The following TENT5B variants were observed in gnomAD, a reference collection of about 807,000 sequenced individuals.
The protein encoded by TENT5B is terminal nucleotidyltransferase 5B.
TENT5B carries 12 observed loss-of-function variants against 21.7 expected under a neutral mutation model. The ratio of observed to expected loss-of-function variants is 0.55; its 90% confidence interval spans 0.36 to 0.90. The LOEUF is 0.90. Ranked by LOEUF, TENT5B falls within the 40% of genes least tolerant of loss-of-function variation. The pLI, the probability that TENT5B is intolerant of heterozygous loss-of-function variation, is 0.01. For missense variants in TENT5B, 540 were observed against 601.5 expected, an observed-to-expected ratio of 0.90 and a Z score of 1.07; for synonymous variants, 262 against 266.6, an observed-to-expected ratio of 0.98 and a Z score of 0.17.
intron 1 of TENT5B, among the ~76,000 whole-genome samples, chr1:27,011,094 C>T (rs967077655): frequency 2.0e-5 from 3 of 152,184 alleles, no homozygotes; most frequent in Non-Finnish European, 2.9e-5. Context: ...TTGACTGTCC[C>T]GGGGATTAAA....
At position 27,006,994 on chromosome 1, in the gene TENT5B, G is replaced by C. The variant is rs745842169; in HGVS notation, c.265-37C>G. 9.8e-6 allele frequency: 15 copies of C among 1,525,472 alleles called. No homozygotes were observed. The highest frequency in any genetic ancestry group is 1.1e-5 in the Non-Finnish European group (13 of 1,136,230). The allele number at this position is 1,525,472 out of a possible 1,614,324, so 94.5% of individuals were successfully genotyped here. On this transcript the variant is annotated intron_variant, in intron 1 of 1. Transcript: ENST00000289166. This position sits in a 1 kb window ranked among gnomAD's most constrained non-coding sequence, Gnocchi z 9.4. ...AGCAGGAAGGAGAGGTGTCAGGAGC[G>C]GGCCTCAGGGGTCCACCAAGGACTT...
In TENT5B at chr1:27,006,415, G is replaced by C; in HGVS notation, c.807C>G (p.Arg269=). 6.2e-7 allele frequency: 1 copy of C among 1,613,466 alleles called. No individual in the cohort carries two copies. Among genetic ancestry groups the C allele is most frequent in the Non-Finnish European group, 8.5e-7 (1 of 1,179,880 alleles). Residue 269 remains arginine (R), a synonymous_variant, in exon 2 of 2, where the codon CGC becomes CGG. Transcript: ENST00000289166. The surrounding 1 kb of genome is among the most constrained non-coding windows in gnomAD (Gnocchi z 9.4). ...EHLRHRVIAT[R]SPEEIRGGGL... is the part of the protein sequence containing the mutation. Reference sequence around the variant, plus strand: ...CACCACCTCGGATCTCCTCGGGACTGCGCGTGGCGATGACACGGTGCCGCA... The same window carrying C: ...CACCACCTCGGATCTCCTCGGGACTCCGCGTGGCGATGACACGGTGCCGCA...
At chr1:27,008,059 GGT>G (rs985855333) in intron 1 of TENT5B, among the ~76,000 whole-genome samples, 11 of 152,232 alleles carry the variant, frequency 7.2e-5, no homozygotes, top group African/African-American at 2.6e-4. Flanking sequence ...GGCTTACAGT[GGT>G]GAAACAGCTA....
At position 27,006,611 on chromosome 1, in the gene TENT5B, A is replaced by G. The variant is rs1294411346; in HGVS notation, c.611T>C (p.Phe204Ser). ...NKSGKNVELK[F>S]VDSVRRQFEF... is the part of the protein sequence containing the mutation. ...AAACTGGCGTCTCACCGAGTCCACAAACTTGAGCTCCACGTTCTTGCCGCT... is the reference window on the plus strand; with the variant it reads ...AAACTGGCGTCTCACCGAGTCCACAGACTTGAGCTCCACGTTCTTGCCGCT... Residue 204 changes from phenylalanine to serine, a missense_variant, in exon 2 of 2, where the codon TTT becomes TCT. Coordinates refer to ENST00000289166, the MANE Select transcript of TENT5B (RefSeq NM_052943.4). The surrounding 1 kb of genome is among the most constrained non-coding windows in gnomAD (Gnocchi z 9.4). The G allele has an allele frequency of 6.2e-7, 1 of 1,614,140 alleles. No individual in the cohort carries two copies. The highest frequency in any genetic ancestry group is 8.5e-7 in the Non-Finnish European group (1 of 1,180,020).
At position 27,006,349 on chromosome 1, in the gene TENT5B, C is replaced by A; in HGVS notation, c.873G>T (p.Arg291=). ...CGCGCACATCGGTGCTGGGCCGGGG[C>A]CGGAAGCCCCGCACCAGGAGGTGGC... The part of the protein sequence containing the change: ...KYCHLLVRGF[R]PRPSTDVRAL... Residue 291 remains arginine, a synonymous_variant, in exon 2 of 2, where the codon CGG becomes CGT. Coordinates refer to ENST00000289166, the MANE Select transcript of TENT5B (RefSeq NM_052943.4). The surrounding 1 kb of genome is among the most constrained non-coding windows in gnomAD (Gnocchi z 9.4). 6.2e-7 allele frequency: 1 copy of A among 1,610,910 alleles called. No individual in the cohort carries two copies.
Position 27,006,418 on chromosome 1 carries a change from C to T in TENT5B, c.804G>A (p.Thr268=), listed in dbSNP as rs1261410463. The change falls in exon 2 of 2, where the codon ACG becomes ACA. Residue 268 remains threonine, a synonymous_variant. Transcript: ENST00000289166. The surrounding 1 kb of genome is among the most constrained non-coding windows in gnomAD (Gnocchi z 9.4). The stretch of plus-strand genomic sequence containing the variant: ...CACCTCGGATCTCCTCGGGACTGCG[C>T]GTGGCGATGACACGGTGCCGCAGGT... ...LEHLRHRVIA[T]RSPEEIRGGG... The T allele has an allele frequency of 1.2e-5, 19 of 1,613,304 alleles. No homozygotes were observed. Among genetic ancestry groups the T allele is most frequent in the Non-Finnish European group, 1.5e-5 (18 of 1,179,876 alleles).
In TENT5B at chr1:27,012,672, C is replaced by T; in HGVS notation, c.-2G>A. On this transcript the variant is annotated 5_prime_UTR_variant, in exon 1 of 2. Coordinates refer to ENST00000289166, the MANE Select transcript of TENT5B (RefSeq NM_052943.4). ...AGCTCCGCTCTCCGACGGCATCATC[C>T]GCCCGGCCCCCGGGCCCCGACGGCA... is the stretch of plus-strand genomic sequence containing the variant. The T allele has an allele frequency of 2.1e-6, 3 of 1,459,122 alleles. No homozygotes were observed. The highest frequency in any genetic ancestry group is 2.7e-6 in the Non-Finnish European group (3 of 1,119,868). The allele number at this position is 1,459,122 out of a possible 1,614,324, so 90.4% of individuals were successfully genotyped here. A position where few individuals can be genotyped will look rare whatever the true frequency, so the allele number is the denominator to read the frequency against.
chr1:27,006,427 G>A lies in TENT5B; in HGVS notation c.795C>T (p.Val265=), dbSNP rs373053852. 6.2e-7 allele frequency: 1 copy of A among 1,613,562 alleles called. No individual in the cohort carries two copies. Among genetic ancestry groups the A allele is most frequent in the East Asian group, 2.2e-5 (1 of 44,878 alleles). Residue 265 remains valine, a synonymous_variant, in exon 2 of 2, where the codon GTC becomes GTT. Transcript: ENST00000289166. The surrounding 1 kb of genome is among the most constrained non-coding windows in gnomAD (Gnocchi z 9.4). The part of the protein sequence containing the change: ...TEALEHLRHR[V]IATRSPEEIR... ...TCTCCTCGGGACTGCGCGTGGCGAT[G>A]ACACGGTGCCGCAGGTGCTCCAGGG...
intron 1 of TENT5B, among the ~76,000 whole-genome samples, chr1:27,007,680 G>A (rs887726945): frequency 7.9e-5 from 12 of 152,082 alleles, no homozygotes; most frequent in African/African-American, 7.2e-5. Context: ...CACCGCGCTC[G>A]GTGGTTTAAG....
chr1:27,012,477 C>T lies in TENT5B; in HGVS notation c.194G>A (p.Ser65Asn), dbSNP rs1367425534. The T allele has an allele frequency of 2.5e-6, 4 of 1,610,508 alleles. No homozygotes were observed. Among genetic ancestry groups the T allele is most frequent in the Admixed American group, 1.7e-5 (1 of 59,848 alleles). Residue 65 changes from serine (S) to asparagine (N), a missense_variant, in exon 1 of 2, where the codon AGC (serine) becomes AAC (asparagine). Physicochemically the swap from Ser to Asn is conservative, Grantham distance 46 (BLOSUM62 1). Transcript: ENST00000289166. The stretch of plus-strand genomic sequence containing the variant: ...GCGCCCGTGAATGGGAATCGGCTCG[C>T]TCAGAAGAGCGTCCAGTCGCTTCAC... ...PQVKRLDALL[S>N]EPIPIHGRGN... is the part of the protein sequence containing the mutation.
rs1424211535 is a variant in TENT5B at position 27,006,123 on chromosome 1, C to T, written c.1099G>A (p.Asp367Asn). ...LMNHERRQTL[D>N]LIAALALQAL... ...TGCAGCGCCAGTGCGGCAATGAGGT[C>T]CAGCGTCTGGCGGCGCTCGTGGTTC... Residue 367 changes from aspartate to asparagine, a missense_variant, in exon 2 of 2, where the codon GAC (aspartate) becomes AAC (asparagine). Transcript: ENST00000289166. The surrounding 1 kb of genome is among the most constrained non-coding windows in gnomAD (Gnocchi z 9.4). 6.2e-7 allele frequency: 1 copy of T among 1,608,468 alleles called. No individual in the cohort carries two copies. Among genetic ancestry groups the T allele is most frequent in the South Asian group, 1.1e-5 (1 of 90,704 alleles).
In TENT5B at chr1:27,006,602, G is replaced by A. The variant is rs779739476; in HGVS notation, c.620C>T (p.Ser207Leu). ...GKNVELKFVD[S>L]VRRQFEFSID... Reference sequence around the variant, plus strand: ...GCTGAATTCAAACTGGCGTCTCACCGAGTCCACAAACTTGAGCTCCACGTT... The same window carrying A: ...GCTGAATTCAAACTGGCGTCTCACCAAGTCCACAAACTTGAGCTCCACGTT... Residue 207 changes from serine to leucine, a missense_variant, in exon 2 of 2, where the codon TCG becomes TTG. Transcript: ENST00000289166. The surrounding 1 kb of genome is among the most constrained non-coding windows in gnomAD (Gnocchi z 9.4). 15 of 1,614,050 alleles carry A rather than the reference G, an allele frequency of 9.3e-6. No individual in the cohort carries two copies. The African/African-American group carries it at 1.3e-4, about 14-fold the overall frequency.
chr1:27,008,425 G>T (rs1053989565), intron 1 of TENT5B, among the ~76,000 whole-genome samples: 2 of 152,134 alleles, frequency 1.3e-5, no homozygotes, highest in Non-Finnish European at 2.9e-5. Flanking sequence ...AAGACTTCCG[G>T]GAGGAGCAAC....
In TENT5B at chr1:27,006,429, C is replaced by G. The variant is rs1174960116; in HGVS notation, c.793G>C (p.Val265Leu). The change falls in exon 2 of 2, where the codon GTC becomes CTC. Residue 265 changes from valine (V) to leucine (L), a missense_variant. Physicochemically the swap from Val to Leu is conservative, Grantham distance 32. Coordinates refer to ENST00000289166, the MANE Select transcript of TENT5B (RefSeq NM_052943.4). This position sits in a 1 kb window ranked among gnomAD's most constrained non-coding sequence, Gnocchi z 9.4. ...TEALEHLRHRVIATRSPEEIR... is the reference protein window; with the variant it reads ...TEALEHLRHRLIATRSPEEIR... Reference sequence around the variant, plus strand: ...TCCTCGGGACTGCGCGTGGCGATGACACGGTGCCGCAGGTGCTCCAGGGCC... The same window carrying G: ...TCCTCGGGACTGCGCGTGGCGATGAGACGGTGCCGCAGGTGCTCCAGGGCC... The G allele has an allele frequency of 6.2e-7, 1 of 1,613,548 alleles. No individual in the cohort carries two copies. The highest frequency in any genetic ancestry group is 1.1e-5 in the South Asian group (1 of 91,076).
At position 27,006,875 on chromosome 1, in the gene TENT5B, T is replaced by C. The variant is rs1013249371; in HGVS notation, c.347A>G (p.His116Arg). The C allele has an allele frequency of 1.2e-6, 2 of 1,613,654 alleles. No individual in the cohort carries two copies. The highest frequency in any genetic ancestry group is 1.3e-5 in the African/African-American group (1 of 74,826). Reference sequence around the variant, plus strand: ...CTTGTAGCCCAGGCCACTCTCAGGGTGCAGCACGTGGCTGGCAGCTGAACC... The same window carrying C: ...CTTGTAGCCCAGGCCACTCTCAGGGCGCAGCACGTGGCTGGCAGCTGAACC... ...LHGSAASHVL[H>R]PESGLGYKDL... The change falls in exon 2 of 2, where the codon CAC (histidine) becomes CGC (arginine). Residue 116 changes from histidine to arginine, a missense_variant. His to Arg is a conservative substitution (Grantham distance 29, BLOSUM62 0). Transcript: ENST00000289166. This position sits in a 1 kb window ranked among gnomAD's most constrained non-coding sequence, Gnocchi z 9.4.
Position 27,006,386 on chromosome 1 carries a change from A to G in TENT5B, c.836T>C (p.Leu279Pro), listed in dbSNP as rs528812033. The change falls in exon 2 of 2, where the codon CTC (leucine) becomes CCC (proline). Residue 279 changes from leucine to proline, a missense_variant. Transcript: ENST00000289166. This position sits in a 1 kb window ranked among gnomAD's most constrained non-coding sequence, Gnocchi z 9.4. ...CACCAGGAGGTGGCAGTACTTGAGG[A>G]GGCCACCACCTCGGATCTCCTCGGG... Reference protein sequence around the residue: ...RSPEEIRGGGLLKYCHLLVRG... With the variant: ...RSPEEIRGGGPLKYCHLLVRG... The G allele has an allele frequency of 1.2e-6, 2 of 1,612,630 alleles. No homozygotes were observed. The highest frequency in any genetic ancestry group is 1.7e-5 in the Admixed American group (1 of 60,004).
rs974523184 is a variant in TENT5B, at chr1:27,012,688, C to G, written c.-18G>C. On this transcript the variant is annotated 5_prime_UTR_variant, in exon 1 of 2. Coordinates refer to ENST00000289166, the MANE Select transcript of TENT5B (RefSeq NM_052943.4). ...GGCATCATCCGCCCGGCCCCCGGGC[C>G]CCGACGGCAGAAACCGTGGGGGTGG... The G allele has an allele frequency of 6.9e-7, 1 of 1,452,094 alleles. No individual in the cohort carries two copies. The highest frequency in any genetic ancestry group is 9.0e-7 in the Non-Finnish European group (1 of 1,117,106). The allele number at this position is 1,452,094 out of a possible 1,614,324, so 90.0% of individuals were successfully genotyped here.
chr1:27,007,460 C>T (rs1044542959), intron 1 of TENT5B, among the ~76,000 whole-genome samples: 1 of 150,460 alleles, frequency 6.6e-6, no homozygotes, highest in Non-Finnish European at 1.5e-5. Context: ...GGCGTGATCT[C>T]GACTCACTGC....
At chr1:27,010,949 C>T (rs182029754) in intron 1 of TENT5B, among the ~76,000 whole-genome samples, 8 of 152,022 alleles carry the variant, frequency 5.3e-5, no homozygotes, top group Non-Finnish European at 1.2e-4. Context: ...ACTGACAGGG[C>T]AAGGACTTCT....
Sources: gnomAD v4.1 joint callset for allele counts (sites outside exome capture counted in the v4.1 genomes callset) on GRCh38, gnomAD v4.1.1 for gene constraint, Gnocchi (gnomAD v3.1) non-coding constraint, MANE v1.5 for transcripts, NCBI Gene and HGNC (gene_info 2026-07-23, HGNC 2026-07-21) for gene names.